Variants in EHMT1 observed in about 807,000 individuals in gnomAD.
EHMT1 encodes the protein euchromatic histone lysine methyltransferase 1.
EHMT1 carries 15 observed loss-of-function variants against 147.2 expected under a neutral mutation model. That is an observed-to-expected ratio of 0.10 (90% confidence interval 0.07 to 0.16). EHMT1 has a LOEUF of 0.16. Ranked by LOEUF, EHMT1 falls within the 10% of genes least tolerant of loss-of-function variation. The pLI is 1.00. For missense variants in EHMT1, 1,587 were observed against 1,772.4 expected (o/e 0.90, Z 1.88); for synonymous variants, 795 against 709.6 (o/e 1.12, Z -1.91).
chr9:137,669,345 A>AGCACGTGCACTCACTGACT lies in EHMT1; in HGVS notation c.22-41622_22-41621insGCACGTGCACTCACTGACT, dbSNP rs1564562465. Among the ~76,000 whole-genome samples the AGCACGTGCACTCACTGACT allele has an allele frequency of 1.8e-3, 16 of 9,070 alleles. 3 individuals are homozygous for AGCACGTGCACTCACTGACT. The highest frequency in any genetic ancestry group is 8.0e-3 in the African/African-American group (12 of 1,504). The allele number at this position is 9,070 out of a possible 152,430, so 6.0% of individuals were successfully genotyped here. A position where few individuals can be genotyped will look rare whatever the true frequency, so the allele number is the denominator to read the frequency against. ...CGCCCCCACAGCACGTGGACCCCAC[A>AGCACGTGCACTCACTGACT]CCACCCAAGACGCTCCCACAGCACG... On this transcript the variant is annotated intron_variant, in intron 1 of 26. Coordinates refer to ENST00000460843, the MANE Select transcript of EHMT1 (RefSeq NM_024757.5).
At chr9:137,788,575 TAGAGGGCCTCAC>T (rs1952202967) in intron 15 of EHMT1, 1 of 153,184 alleles carries the variant, frequency 6.5e-6, no homozygotes, top group Non-Finnish European at 1.5e-5. Flanking sequence ...CTTGCGGGCT[TAGAGGGCCTCAC>T]AGGTGTAGGG....
intron 10 of EHMT1, 62 bp downstream of exon 10, chr9:137,762,882 C>T: frequency 1.2e-6 from 2 of 1,607,844 alleles, no homozygotes; most frequent in East Asian, 4.5e-5. Context: ...CCCAGCCCAG[C>T]AGGGGCCCCG....
Position 137,782,486 on chromosome 9 carries a change from C to T in EHMT1, c.2382+89C>T. 1 of 1,282,822 alleles carries T rather than the reference C, an allele frequency of 7.8e-7. No individual in the cohort carries two copies. The allele number at this position is 1,282,822 out of a possible 1,614,324, so 79.5% of individuals were successfully genotyped here. A position where few individuals can be genotyped will look rare whatever the true frequency, so the allele number is the denominator to read the frequency against. ...AATCATACCACGTTCGCGGTTCTTC[C>T]AGTGTAAGAGTTCCGTAGTGCTGTG... On this transcript the variant is annotated intron_variant, in intron 15 of 26. Coordinates refer to ENST00000460843, the MANE Select transcript of EHMT1 (RefSeq NM_024757.5). The surrounding 1 kb of genome is among the most constrained non-coding windows in gnomAD (Gnocchi z 5.7).
chr9:137,812,568 G>T (rs1279303375), intron 19 of EHMT1, among the ~76,000 whole-genome samples: 2 of 152,252 alleles, frequency 1.3e-5, no homozygotes. Context: ...TGGTCATCTG[G>T]TTGTGTGAAG....
intron 16 of EHMT1, among the ~76,000 whole-genome samples, chr9:137,796,170 A>T (rs1004282510): frequency 7.9e-5 from 12 of 152,250 alleles, no homozygotes; most frequent in African/African-American, 2.9e-4. Flanking sequence ...CAAGCAGGTG[A>T]ATCCGAGGAG....
In EHMT1 at chr9:137,813,401, CT is replaced by C; in HGVS notation, c.3052del (p.Tyr1018ThrfsTer29). 6.2e-7 allele frequency: 1 copy of C among 1,612,498 alleles called. No individual in the cohort carries two copies. The highest frequency in any genetic ancestry group is 8.5e-7 in the Non-Finnish European group (1 of 1,179,640). ...RIVSRDIARG[Y>X]ERIPIPCVNA... ...TCCATGGCAGGGACATCGCTCGAGG[CT>C]ACGAGCGCATCCCCATCCCCTGTGT... On this transcript the variant is annotated frameshift_variant, in exon 21 of 27. Transcript: ENST00000460843. LOFTEE classifies it high-confidence loss of function. The surrounding 1 kb of genome is among the most constrained non-coding windows in gnomAD (Gnocchi z 4.9).
chr9:137,668,206 C>T (rs1039374746), intron 1 of EHMT1, among the ~76,000 whole-genome samples: 10 of 152,152 alleles, frequency 6.6e-5, no homozygotes, highest in African/African-American at 2.2e-4. Context: ...CTGTCTACTC[C>T]AGAGAGTCTA....
intron 1 of EHMT1, among the ~76,000 whole-genome samples, chr9:137,633,318 C>G (rs113185379): frequency 4.1e-5 from 6 of 145,300 alleles, no homozygotes; most frequent in Non-Finnish European, 9.1e-5. Flanking sequence ...TAATTGACTA[C>G]TTTTTTTTTT....
At chr9:137,797,660 G>A (rs1588764110) in intron 16 of EHMT1, among the ~76,000 whole-genome samples, 2 of 152,312 alleles carry the variant, frequency 1.3e-5, no homozygotes, top group South Asian at 4.1e-4. Flanking sequence ...GGAACCGGGT[G>A]TGCTGGCTTT....
At chr9:137,706,565 C>T (rs1944287728) in intron 1 of EHMT1, among the ~76,000 whole-genome samples, 1 of 152,204 alleles carries the variant, frequency 6.6e-6, no homozygotes, top group Non-Finnish European at 1.5e-5. Flanking sequence ...CGGCTCACTG[C>T]AACCTCCGCC....
chr9:137,664,047 A>C (rs1564554464), intron 1 of EHMT1, among the ~76,000 whole-genome samples: 1 of 152,170 alleles, frequency 6.6e-6, no homozygotes, highest in Non-Finnish European at 1.5e-5. Context: ...CTACCAATAG[A>C]GAATTGCTCA....
chr9:137,834,690 C>T, intron 26 of EHMT1, 83 bp from the exon 27 acceptor site: 1 of 1,607,842 alleles, frequency 6.2e-7, no homozygotes, highest in Non-Finnish European at 8.5e-7. Flanking sequence ...GGTGAGGAAG[C>T]TTTGGCCTTG....
chr9:137,717,135 A>G lies in EHMT1; in HGVS notation c.595A>G (p.Lys199Glu), dbSNP rs200623731. The change falls in exon 3 of 27, where the codon AAG (lysine) becomes GAG (glutamate). Residue 199 changes from lysine (K) to glutamate (E), a missense_variant. Lys to Glu is a moderately conservative substitution (Grantham distance 56). Transcript: ENST00000460843. ...RKLPAPGADV[K>E]VHRARKTMPK... Reference sequence around the variant, plus strand: ...GCTCCCGGCCCCTGGCGCCGACGTCAAGGTCCACAGGGCACGCAAGACCAT... The same window carrying G: ...GCTCCCGGCCCCTGGCGCCGACGTCGAGGTCCACAGGGCACGCAAGACCAT... 19 of 1,612,416 alleles carry G rather than the reference A, an allele frequency of 1.2e-5. No individual in the cohort carries two copies. Among genetic ancestry groups the G allele is most frequent in the Non-Finnish European group, 8.5e-7 (1 of 1,179,950 alleles).
chr9:137,706,200 G>A (rs1944259779), intron 1 of EHMT1, among the ~76,000 whole-genome samples: 1 of 152,220 alleles, frequency 6.6e-6, no homozygotes, highest in Non-Finnish European at 1.5e-5. Context: ...GGAGTTGTAG[G>A]TTGGGGCTCC....
rs1175982428 is a variant in EHMT1, at chr9:137,775,281, TC to T, written c.1791+31del. 1 of 1,604,856 alleles carries T rather than the reference TC, an allele frequency of 6.2e-7. No homozygotes were observed. The highest frequency in any genetic ancestry group is 8.5e-7 in the Non-Finnish European group (1 of 1,179,524). On this transcript the variant is annotated intron_variant, in intron 11 of 26. Transcript: ENST00000460843. The surrounding 1 kb of genome is among the most constrained non-coding windows in gnomAD (Gnocchi z 6.1). The stretch of plus-strand genomic sequence containing the variant: ...AGAGCCCAGTCCGGCAGCCTCTGAG[TC>T]CTCCGCAGGCTTTGCTGTCTGCTCA...
At chr9:137,644,324 C>T (rs1844726765) in intron 1 of EHMT1, among the ~76,000 whole-genome samples, 1 of 148,504 alleles carries the variant, frequency 6.7e-6, no homozygotes, top group Non-Finnish European at 1.5e-5. Context: ...GAAACAGTCA[C>T]ATACTTTTTT....
intron 1 of EHMT1, among the ~76,000 whole-genome samples, chr9:137,619,449 C>T (rs1284581820): frequency 2.0e-5 from 3 of 152,142 alleles, no homozygotes; most frequent in South Asian, 2.1e-4. Context: ...GGAAAAGTAG[C>T]GGGGCCGGCC....
chr9:137,665,541 G>C (rs1040706434), intron 1 of EHMT1, among the ~76,000 whole-genome samples: 7 of 152,186 alleles, frequency 4.6e-5, no homozygotes, highest in African/African-American at 1.7e-4. Flanking sequence ...TCATGTTGTG[G>C]GCTCTTGGCC....
chr9:137,740,306 C>G (rs945215074), intron 4 of EHMT1, among the ~76,000 whole-genome samples: 2 of 152,182 alleles, frequency 1.3e-5, no homozygotes, highest in African/African-American at 4.8e-5. Context: ...GCTCGGGGTC[C>G]TGAAGCCCCC....
Sources: gnomAD v4.1 joint callset for allele counts (sites outside exome capture counted in the v4.1 genomes callset) on GRCh38, gnomAD v4.1.1 for gene constraint, Gnocchi (gnomAD v3.1) non-coding constraint, MANE v1.5 for transcripts, NCBI Gene and HGNC (gene_info 2026-07-23, HGNC 2026-07-21) for gene names.